Variants in GABRG3 observed in about 807,000 individuals in gnomAD.
The protein encoded by GABRG3 is gamma-aminobutyric acid receptor subunit gamma-3.
In GABRG3, 25 loss-of-function variants were observed where a neutral mutation model predicts 48.8. The observed-to-expected ratio is 0.51, with a 90% CI of 0.37 to 0.72. The LOEUF is 0.72. Among genes scored for constraint, GABRG3 ranks in the 30% least tolerant of loss-of-function variants. The probability of loss-of-function intolerance (pLI) is 0.00; values close to 1 mark genes in which losing one functional copy is unlikely to be tolerated. For synonymous variants in GABRG3, 227 were observed against 217.6 expected (o/e 1.04, Z -0.38); for missense variants, 394 against 577.9 (o/e 0.68, Z 3.26).
chr15:27,378,110 A>G, intron 5 of GABRG3, among the ~76,000 whole-genome samples: 1 of 152,126 alleles, frequency 6.6e-6, no homozygotes, highest in East Asian at 1.9e-4. Flanking sequence ...TCCTACGGAA[A>G]GAAAAAAAAA....
rs1361637557 is a variant in GABRG3, at chr15:27,541,577, G to A, written c.*8696G>A. 1 of 152,330 alleles carries A rather than the reference G, an allele frequency of 6.6e-6. No homozygotes were observed. The highest frequency in any genetic ancestry group is 2.4e-5 in the African/African-American group (1 of 41,474). 9.4% of individuals were successfully genotyped at this position (152,330 alleles called of 1,614,324 possible). ...TTTGGAATCATCTTAGAGCACCGGT[G>A]TGGATGCGCTTGGCCCCGAGGGGGC... On this transcript the variant is annotated 3_prime_UTR_variant, in exon 10 of 10. Transcript: ENST00000615808.
chr15:27,369,479 T>TTCTAGGAATATCTTTGGTGTATGA (rs1895321429), intron 5 of GABRG3, among the ~76,000 whole-genome samples: 1 of 152,162 alleles, frequency 6.6e-6, no homozygotes, highest in Non-Finnish European at 1.5e-5. Context: ...CTGGAAGATA[T>TTCTAGGAATATCTTTGGTGTATGA]TCTAGGAATA....
chr15:27,528,489 C>A (rs998211974), intron 9 of GABRG3, among the ~76,000 whole-genome samples: 1 of 152,298 alleles, frequency 6.6e-6, no homozygotes, highest in African/African-American at 2.4e-5. Context: ...TTTTCACTAC[C>A]AATTTGTATA....
intron 2 of GABRG3, among the ~76,000 whole-genome samples, chr15:26,997,603 C>T (rs1220119223): frequency 1.6e-4 from 24 of 152,154 alleles, no homozygotes; most frequent in Admixed American, 1.6e-3. Context: ...TTTCTTCCTC[C>T]TTATATTCAT....
At chr15:27,518,195 C>CAA (rs58222645) in intron 6 of GABRG3, among the ~76,000 whole-genome samples, 178 of 88,022 alleles carry the variant, frequency 2.0e-3, no homozygotes, top group African/African-American at 6.3e-3. Context: ...ACTAAAAATA[C>CAA]AAAAAAAAAA....
chr15:27,159,572 G>T (rs931203022), intron 3 of GABRG3, among the ~76,000 whole-genome samples: 7 of 151,570 alleles, frequency 4.6e-5, no homozygotes, highest in East Asian at 1.9e-4. Flanking sequence ...TTTCCATCAT[G>T]TTCCTAGTAA....
chr15:27,434,880 G>A (rs1174360066), intron 5 of GABRG3, among the ~76,000 whole-genome samples: 1 of 152,168 alleles, frequency 6.6e-6, no homozygotes, highest in East Asian at 1.9e-4. Flanking sequence ...GCTGGAGTCC[G>A]ACTGAAGGTT....
At chr15:27,259,012 G>A (rs1240355440) in intron 3 of GABRG3, among the ~76,000 whole-genome samples, 1 of 152,010 alleles carries the variant, frequency 6.6e-6, no homozygotes, top group Non-Finnish European at 1.5e-5. Context: ...ATTTATCTGA[G>A]CCTGACATTT....
In GABRG3 at chr15:27,430,798, T is replaced by G. The variant is rs542250553; in HGVS notation, c.575-49852T>G. Among the ~76,000 whole-genome samples, 133 of 152,110 alleles carry G rather than the reference T, an allele frequency of 8.7e-4. 1 individual carries two copies. Among genetic ancestry groups the G allele is most frequent in the South Asian group, 8.3e-3 (40 of 4,816 alleles). On this transcript the variant is annotated intron_variant, in intron 5 of 9. Transcript: ENST00000615808. ...TGAAGCCAGGAGTTCATGACCAGCC[T>G]GGCCAACATGCCGAAACCCCGTCTC...
intron 3 of GABRG3, among the ~76,000 whole-genome samples, chr15:27,229,456 TG>T (rs201825000): frequency 0.18 from 26,588 of 146,452 alleles, 3,209 homozygotes; most frequent in East Asian, 0.4. Flanking sequence ...AGGTTTTTTG[TG>T]TGTGTGTGTG....
chr15:27,003,991 A>G (rs1172370631), intron 2 of GABRG3, among the ~76,000 whole-genome samples: 1 of 131,692 alleles, frequency 7.6e-6, no homozygotes, highest in African/African-American at 3.0e-5. Flanking sequence ...CTGACCCCCC[A>G]CCTCCCTCCC....
intron 3 of GABRG3, among the ~76,000 whole-genome samples, chr15:27,034,607 A>G (rs753389414): frequency 2.0e-5 from 3 of 152,168 alleles, no homozygotes; most frequent in Non-Finnish European, 2.9e-5. Flanking sequence ...AAAAATCTCC[A>G]AGAACAAAAA....
intron 5 of GABRG3, among the ~76,000 whole-genome samples, chr15:27,458,813 G>A (rs1250477609): frequency 6.6e-6 from 1 of 152,202 alleles, no homozygotes; most frequent in Non-Finnish European, 1.5e-5. Flanking sequence ...TTGCAATGAC[G>A]AGAGCCTCAT....
intron 3 of GABRG3, among the ~76,000 whole-genome samples, chr15:27,097,871 T>A (rs1897290974): frequency 6.6e-6 from 1 of 152,042 alleles, no homozygotes; most frequent in East Asian, 1.9e-4. Context: ...CTATGATAAA[T>A]GACATTATGA....
At chr15:27,263,565 T>C (rs1384134766) in intron 3 of GABRG3, among the ~76,000 whole-genome samples, 4 of 152,150 alleles carry the variant, frequency 2.6e-5, no homozygotes, top group Non-Finnish European at 5.9e-5. Flanking sequence ...TTAAAACCTT[T>C]GTTTTCTTTC....
chr15:26,987,232 G>A (rs918017262), intron 2 of GABRG3, among the ~76,000 whole-genome samples: 2 of 152,198 alleles, frequency 1.3e-5, no homozygotes. Context: ...TTCATAAGAT[G>A]GCAGGGGGCA....
At position 27,374,058 on chromosome 15, in the gene GABRG3, T is replaced by A. The variant is rs904547009; in HGVS notation, c.574+45170T>A. ...AGTTTTTTAAGAATTCTTATGATTT[T>A]ATAAATGCAATTCTAATTATCTTTG... is the stretch of plus-strand genomic sequence containing the variant. On this transcript the variant is annotated intron_variant, in intron 5 of 9. Coordinates refer to ENST00000615808, the MANE Select transcript of GABRG3 (RefSeq NM_033223.5). Among the ~76,000 whole-genome samples the A allele has an allele frequency of 5.3e-5, 8 of 152,006 alleles. No homozygotes were observed. The South Asian group carries it at 6.2e-4, about 12-fold the overall frequency.
intron 3 of GABRG3, among the ~76,000 whole-genome samples, chr15:27,264,009 C>T (rs768324220): frequency 6.6e-6 from 1 of 151,722 alleles, no homozygotes; most frequent in Non-Finnish European, 1.5e-5. Context: ...ACCGGGGAGA[C>T]GTGCCAGATA....
At chr15:27,518,385 G>GAAAA (rs1891079983) in intron 6 of GABRG3, among the ~76,000 whole-genome samples, 1 of 82,966 alleles carries the variant, frequency 1.2e-5, no homozygotes, top group Non-Finnish European at 2.3e-5. Flanking sequence ...AAAAAAAATG[G>GAAAA]GACATCAGTG....
Sources: allele counts gnomAD v4.1 joint callset (sites outside exome capture counted in the v4.1 genomes callset), GRCh38; gene constraint gnomAD v4.1.1; transcripts MANE v1.5; gene names NCBI Gene and HGNC (gene_info 2026-07-23, HGNC 2026-07-21).